SLX9: variants seen among roughly 807,000 people sequenced by gnomAD.
SLX9 encodes the protein ribosome biogenesis protein SLX9 homolog.
A neutral mutation model predicts 20.8 loss-of-function variants in SLX9; 19 were observed. The ratio of observed to expected loss-of-function variants is 0.91; its 90% CI spans 0.64 to 1.34. The LOEUF (loss-of-function observed/expected upper bound fraction) is 1.34. SLX9 is among the 40% of genes most tolerant of loss of function. The pLI, the probability that SLX9 is intolerant of heterozygous loss-of-function variation, is 0.00. For missense variants in SLX9, 299 were observed against 322.2 expected (o/e 0.93, Z 0.55); for synonymous variants, 113 against 137.1 (o/e 0.82, Z 1.23).
At chr21:44,975,315 A>G (rs2085241962) in intron 5 of SLX9, among the ~76,000 whole-genome samples, 1 of 152,138 alleles carries the variant, frequency 6.6e-6, no homozygotes, top group Admixed American at 6.5e-5. Flanking sequence ...CTGAGTACGA[A>G]ACCAAGGAAG....
chr21:44,955,223 G>A (rs1457365223), intron 2 of SLX9, among the ~76,000 whole-genome samples: 2 of 127,054 alleles, frequency 1.6e-5, no homozygotes, highest in Admixed American at 7.8e-5. Flanking sequence ...AAAAAAAAAA[G>A]AAGTAAGAAA....
intron 5 of SLX9, among the ~76,000 whole-genome samples, chr21:44,976,171 C>T (rs900058561): frequency 1.6e-4 from 24 of 152,360 alleles, no homozygotes; most frequent in Admixed American, 1.2e-3. Context: ...GAGTGGCCGC[C>T]GGGCTGGGTG....
intron 5 of SLX9, among the ~76,000 whole-genome samples, chr21:44,974,265 C>T (rs905016788): frequency 1.3e-5 from 2 of 152,180 alleles, no homozygotes; most frequent in African/African-American, 4.8e-5. Flanking sequence ...CTACCGAGGC[C>T]CATTGTGCCT....
chr21:44,940,675 T>A (rs75978779), intron 1 of SLX9, among the ~76,000 whole-genome samples: 3 of 51,950 alleles, frequency 5.8e-5, no homozygotes, highest in Non-Finnish European at 1.1e-4. Flanking sequence ...TTTCAGGATT[T>A]TTTTTTTTTT....
At chr21:44,945,573 C>T (rs1442420254) in intron 2 of SLX9, among the ~76,000 whole-genome samples, 4 of 152,266 alleles carry the variant, frequency 2.6e-5, no homozygotes, top group African/African-American at 9.6e-5. Context: ...GTCACGCTCA[C>T]GACCCGTCTT....
chr21:44,971,878 C>T (rs969894258), intron 4 of SLX9, among the ~76,000 whole-genome samples: 5 of 152,154 alleles, frequency 3.3e-5, no homozygotes, highest in African/African-American at 9.7e-5. Context: ...TCGTCAGCCC[C>T]GGCAGAGCCC....
chr21:44,945,623 G>T (rs1025908627), intron 2 of SLX9, among the ~76,000 whole-genome samples: 7 of 152,212 alleles, frequency 4.6e-5, no homozygotes, highest in African/African-American at 1.7e-4. Context: ...ATCTGGCCTC[G>T]CAGCGTTCTT....
At chr21:44,941,269 G>T (rs1193701576) in intron 1 of SLX9, among the ~76,000 whole-genome samples, 2 of 151,758 alleles carry the variant, frequency 1.3e-5, no homozygotes, top group Admixed American at 1.3e-4. Flanking sequence ...ATGCTGGCAG[G>T]TAGGAGCAGG....
chr21:44,947,657 C>A (rs899140872), intron 2 of SLX9, among the ~76,000 whole-genome samples: 1 of 151,996 alleles, frequency 6.6e-6, no homozygotes, highest in Non-Finnish European at 1.5e-5. Flanking sequence ...CGCCAGGAAG[C>A]CACATCTGAC....
chr21:44,939,932 G>T, upstream of SLX9: 1 of 1,049,440 alleles, frequency 9.5e-7, no homozygotes, highest in Non-Finnish European at 1.3e-6. Flanking sequence ...CGCCCGAGCC[G>T]CTTCCGGGTA....
In SLX9 at chr21:44,940,149, C is replaced by G. The variant is rs974665248; in HGVS notation, c.92C>G (p.Pro31Arg). 7 of 1,304,926 alleles carry G rather than the reference C, an allele frequency of 5.4e-6. No individual in the cohort carries two copies. Among genetic ancestry groups the G allele is most frequent in the Non-Finnish European group, 6.8e-6 (7 of 1,022,544 alleles). The allele number at this position is 1,304,926 out of a possible 1,614,324, so 80.8% of individuals were successfully genotyped here. ...GCCCCCGGCCCCGCGCCCCCTGCCCCGGAGGCGACCCCTCCGCCGGCCTCG... is the reference window on the plus strand; with the variant it reads ...GCCCCCGGCCCCGCGCCCCCTGCCCGGGAGGCGACCCCTCCGCCGGCCTCG... ...EAAPGPAPPA[P>R]EATPPPASAA... The change falls in exon 1 of 6, where the codon CCG becomes CGG. Residue 31 changes from proline to arginine, a missense_variant. Physicochemically the swap from Pro to Arg is moderately radical, Grantham distance 103. Transcript: ENST00000291634.
intron 2 of SLX9, among the ~76,000 whole-genome samples, chr21:44,954,215 T>C (rs934227946): frequency 2.0e-5 from 3 of 152,106 alleles, no homozygotes; most frequent in African/African-American, 7.2e-5. Flanking sequence ...CCACGTTTCT[T>C]GTTTGTATCA....
At chr21:44,964,584 C>A (rs1601409724) in intron 3 of SLX9, among the ~76,000 whole-genome samples, 1 of 151,234 alleles carries the variant, frequency 6.6e-6, no homozygotes, top group Non-Finnish European at 1.5e-5. Flanking sequence ...GTGCCCCAGC[C>A]GTGCCGTGGA....
At chr21:44,969,044 C>T (rs1013832186) in intron 4 of SLX9, 2 of 423,042 alleles carry the variant, frequency 4.7e-6, no homozygotes, top group Non-Finnish European at 1.0e-5. Flanking sequence ...TGAGCCACCG[C>T]GCCTGGCCTA....
At chr21:44,960,859 G>A (rs758748194) in intron 3 of SLX9, among the ~76,000 whole-genome samples, 12 of 152,156 alleles carry the variant, frequency 7.9e-5, no homozygotes, top group African/African-American at 9.7e-5. Context: ...ATTGTTTCTC[G>A]TCAAAATTAT....
chr21:44,949,919 C>T (rs2084723298), intron 2 of SLX9, among the ~76,000 whole-genome samples: 1 of 152,196 alleles, frequency 6.6e-6, no homozygotes, highest in African/African-American at 2.4e-5. Flanking sequence ...CGTCCCTCTG[C>T]CCTGGTGATC....
chr21:44,959,557 T>C (rs1464327178), intron 2 of SLX9, among the ~76,000 whole-genome samples: 3 of 151,728 alleles, frequency 2.0e-5, no homozygotes, highest in Non-Finnish European at 2.9e-5. Flanking sequence ...ACCTGTGGAG[T>C]TCACTTTTGG....
At chr21:44,966,648 C>A (rs1410800589) in intron 3 of SLX9, among the ~76,000 whole-genome samples, 4 of 152,138 alleles carry the variant, frequency 2.6e-5, no homozygotes, top group Non-Finnish European at 5.9e-5. Context: ...AAAGCTGAGC[C>A]TCCCAGGCTG....
chr21:44,952,603 G>A (rs865912725), intron 2 of SLX9, among the ~76,000 whole-genome samples: 3 of 152,354 alleles, frequency 2.0e-5, no homozygotes, highest in African/African-American at 7.2e-5. Context: ...GGACAGTTGG[G>A]GTTATGTGGC....
Sources: gnomAD v4.1 joint callset for allele counts (sites outside exome capture counted in the v4.1 genomes callset) on GRCh38, gnomAD v4.1.1 for gene constraint, MANE v1.5 for transcripts, NCBI Gene and HGNC (gene_info 2026-07-23, HGNC 2026-07-21) for gene names.